The following RIPOR3 variants were observed in gnomAD, a reference collection of about 807,000 sequenced individuals.
The protein encoded by RIPOR3 is RIPOR family member 3.
A neutral mutation model predicts 114.3 loss-of-function variants in RIPOR3; 95 were observed. The ratio of observed to expected loss-of-function variants is 0.83; its 90% CI spans 0.70 to 0.99. RIPOR3 has a LOEUF of 0.99. Ranked by LOEUF, RIPOR3 falls within the 50% of genes least tolerant of loss-of-function variation. RIPOR3 has a pLI of 0.00. For synonymous variants in RIPOR3, 575 were observed against 543.8 expected, an observed-to-expected ratio of 1.06 and a Z score of -0.80; for missense variants, 1,252 against 1,266.9, an observed-to-expected ratio of 0.99 and a Z score of 0.18.
Position 50,608,544 on chromosome 20 carries a change from G to A in RIPOR3, c.811-10C>T. On this transcript the variant is annotated splice_polypyrimidine_tract_variant and intron_variant, in intron 10 of 21. Coordinates refer to ENST00000327979, the MANE Select transcript of RIPOR3 (RefSeq NM_001290268.2). Reference sequence around the variant, plus strand: ...CCCGCAACTCCGTCACCTGGGGGTGGGGGCTGGAGGGTGGTGTCTGAGCCG... The same window carrying A: ...CCCGCAACTCCGTCACCTGGGGGTGAGGGCTGGAGGGTGGTGTCTGAGCCG... 1 of 1,613,700 alleles carries A rather than the reference G, an allele frequency of 6.2e-7. No individual in the cohort carries two copies. Among genetic ancestry groups the A allele is most frequent in the Non-Finnish European group, 8.5e-7 (1 of 1,179,866 alleles).
intron 1 of RIPOR3, among the ~76,000 whole-genome samples, chr20:50,650,371 C>G (rs2085556663): frequency 6.6e-6 from 1 of 152,126 alleles, no homozygotes; most frequent in Non-Finnish European, 1.5e-5. Flanking sequence ...GGCGCAATCT[C>G]TGCTCACTGC....
At chr20:50,606,914 G>A (rs556250538) in intron 11 of RIPOR3, among the ~76,000 whole-genome samples, 4 of 152,234 alleles carry the variant, frequency 2.6e-5, no homozygotes, top group East Asian at 1.9e-4. Flanking sequence ...GTTTTTAGTA[G>A]AGATGGGGTT....
intron 6 of RIPOR3, 51 bp downstream of exon 6, chr20:50,610,802 G>T (rs1053502572): frequency 1.4e-5 from 23 of 1,612,716 alleles, no homozygotes; most frequent in Non-Finnish European, 2.0e-5. Flanking sequence ...CTGAGGCCCA[G>T]CAAGCTGGCA....
rs556031076 is a variant in RIPOR3 at position 50,612,821 on chromosome 20, A to T, written c.349-1617T>A. 4.1e-4 allele frequency among the ~76,000 whole-genome samples: 62 copies of T among 152,330 alleles called. 1 individual carries two copies. In the South Asian group the frequency reaches 0.013, roughly 31 times the overall value. On this transcript the variant is annotated intron_variant, in intron 4 of 21. Coordinates refer to ENST00000327979, the MANE Select transcript of RIPOR3 (RefSeq NM_001290268.2). ...TAAAAATTCCATTTAAGCCAGGTGA[A>T]GTGGCTCACACCTGTAATCCTAGCA...
At chr20:50,654,336 T>C (rs1001505307) in intron 1 of RIPOR3, among the ~76,000 whole-genome samples, 1 of 151,634 alleles carries the variant, frequency 6.6e-6, no homozygotes, top group African/African-American at 2.4e-5. Context: ...CCAACTAATT[T>C]TTGTATTTTT....
At chr20:50,594,495 C>CT in intron 17 of RIPOR3, 58 bp downstream of exon 17, 1 of 1,574,554 alleles carries the variant, frequency 6.4e-7, no homozygotes, top group Non-Finnish European at 8.7e-7. Flanking sequence ...CCTGAAGGCC[C>CT]TGGAGACTCA....
chr20:50,638,112 C>T (rs1160835990), intron 1 of RIPOR3, among the ~76,000 whole-genome samples: 1 of 152,138 alleles, frequency 6.6e-6, no homozygotes, highest in African/African-American at 2.4e-5. Flanking sequence ...TCAGGGCAGC[C>T]CATGGTCCTG....
At chr20:50,603,681 G>C (rs2083585846) in intron 12 of RIPOR3, among the ~76,000 whole-genome samples, 1 of 152,206 alleles carries the variant, frequency 6.6e-6, no homozygotes, top group African/African-American at 2.4e-5. Context: ...CCCCATGGGG[G>C]TGGCACTGCC....
intron 2 of RIPOR3, 102 bp downstream of exon 2, chr20:50,630,636 C>A (rs759105122): frequency 3.2e-5 from 31 of 983,054 alleles, no homozygotes; most frequent in Non-Finnish European, 4.5e-5. Context: ...TGAGAGTGGG[C>A]CTTCGGGTCT....
chr20:50,664,051 C>T (rs540837121), intron 1 of RIPOR3, among the ~76,000 whole-genome samples: 15 of 151,948 alleles, frequency 9.9e-5, no homozygotes, highest in African/African-American at 3.1e-4. Flanking sequence ...CTCAGCCTCC[C>T]GACTTGCTGG....
chr20:50,621,994 A>G (rs1600601305), intron 2 of RIPOR3, among the ~76,000 whole-genome samples: 1 of 152,154 alleles, frequency 6.6e-6, no homozygotes, highest in East Asian at 1.9e-4. Flanking sequence ...GCCTCTTCTC[A>G]GGATCCCATA....
In RIPOR3 at chr20:50,653,608, C is replaced by T. The variant is rs866596173; in HGVS notation, c.4-22752G>A. 1.5e-4 allele frequency among the ~76,000 whole-genome samples: 12 copies of T among 79,802 alleles called. No individual in the cohort carries two copies. In the South Asian group the frequency reaches 2.6e-3, roughly 17 times the overall value. 52.4% of individuals were successfully genotyped at this position (79,802 alleles called of 152,430 possible). On this transcript the variant is annotated intron_variant, in intron 1 of 21. Coordinates refer to ENST00000327979, the MANE Select transcript of RIPOR3 (RefSeq NM_001290268.2). ...ACACTTGGCTAATTTTTTTTTTTTT[C>T]GAGACAGGGTCTCCCTCTGTTGTCC...
chr20:50,593,205 A>AG lies in RIPOR3; in HGVS notation c.2213-10dup, dbSNP rs1335299295. On this transcript the variant is annotated splice_polypyrimidine_tract_variant and intron_variant, in intron 17 of 21. Coordinates refer to ENST00000327979, the MANE Select transcript of RIPOR3 (RefSeq NM_001290268.2). ...CAGGAGCCTGCGGCACGCTGGCCAAAGGGGAGAGTACATCAGGAGAAACTG... is the reference window on the plus strand; with the variant it reads ...CAGGAGCCTGCGGCACGCTGGCCAAAGGGGGAGAGTACATCAGGAGAAACTG... 1 of 1,609,944 alleles carries AG rather than the reference A, an allele frequency of 6.2e-7. No homozygotes were observed. The highest frequency in any genetic ancestry group is 2.2e-5 in the East Asian group (1 of 44,868).
At chr20:50,604,012 T>C (rs561990109) in intron 12 of RIPOR3, among the ~76,000 whole-genome samples, 3 of 152,102 alleles carry the variant, frequency 2.0e-5, no homozygotes, top group Admixed American at 2.0e-4. Flanking sequence ...TGAAACCCCG[T>C]CTCTACTAAA....
chr20:50,600,651 T>C (rs993177222), intron 13 of RIPOR3, among the ~76,000 whole-genome samples: 6 of 151,926 alleles, frequency 3.9e-5, no homozygotes, highest in African/African-American at 7.3e-5. Context: ...CCTCAACTAG[T>C]CAGGAGGCTG....
chr20:50,638,506 G>GCCT (rs2085070105), intron 1 of RIPOR3, among the ~76,000 whole-genome samples: 1 of 152,176 alleles, frequency 6.6e-6, no homozygotes, highest in Admixed American at 6.5e-5. Flanking sequence ...CCCCATCACT[G>GCCT]CCTCGTCACC....
chr20:50,595,447 C>G lies in RIPOR3; in HGVS notation c.1972G>C (p.Ala658Pro). 3.1e-6 allele frequency: 5 copies of G among 1,614,174 alleles called. No homozygotes were observed. The highest frequency in any genetic ancestry group is 4.2e-6 in the Non-Finnish European group (5 of 1,180,018). The change falls in exon 16 of 22, where the codon GCA (alanine) becomes CCA (proline). Residue 658 changes from alanine (A) to proline (P), a missense_variant. By Grantham distance (27) the Ala-to-Pro change is conservative. Coordinates refer to ENST00000327979, the MANE Select transcript of RIPOR3 (RefSeq NM_001290268.2). ...GTCTCCAGAACGTGCTTTTGCTGTG[C>G]CACTTCTTCCAGGAGGCATTCCTGG... ...LVQECLLEEV[A>P]QQKHVLETLS...
At chr20:50,596,301 G>A (rs765113769) in intron 14 of RIPOR3, 38 bp from the exon 15 acceptor site, 5 of 1,613,404 alleles carry the variant, frequency 3.1e-6, no homozygotes, top group Middle Eastern at 1.7e-4. Context: ...ATTCCAGTTA[G>A]CAGTTCAGCT....
At chr20:50,603,332 G>A (rs1189068174) in intron 12 of RIPOR3, among the ~76,000 whole-genome samples, 1 of 152,130 alleles carries the variant, frequency 6.6e-6, no homozygotes, top group African/African-American at 2.4e-5. Flanking sequence ...TTCATCTCCT[G>A]GGCTCAAGCA....
Sources: allele counts gnomAD v4.1 joint callset (sites outside exome capture counted in the v4.1 genomes callset), GRCh38; gene constraint gnomAD v4.1.1; transcripts MANE v1.5; gene names NCBI Gene and HGNC (gene_info 2026-07-23, HGNC 2026-07-21).